MPRIP: variants seen among roughly 807,000 people sequenced by gnomAD.
MPRIP encodes the protein myosin phosphatase Rho-interacting protein.
MPRIP carries 59 observed loss-of-function variants against 234.9 expected under a neutral mutation model. The ratio of observed to expected loss-of-function variants is 0.25; its 90% CI spans 0.20 to 0.31. The LOEUF (loss-of-function observed/expected upper bound fraction) is 0.31, where lower values mean the gene tolerates loss of function less well. MPRIP is among the 10% of genes least tolerant of loss of function. The probability of loss-of-function intolerance (pLI) is 1.00; values close to 1 mark genes in which losing one functional copy is unlikely to be tolerated. For missense variants in MPRIP, 2,436 were observed against 3,071.0 expected (o/e 0.79, Z 4.89); for synonymous variants, 1,144 against 1,263.9 (o/e 0.91, Z 2.01).
intron 3 of MPRIP, among the ~76,000 whole-genome samples, chr17:17,102,093 G>T (rs1444006785): frequency 6.6e-6 from 1 of 150,426 alleles, no homozygotes; most frequent in Admixed American, 6.6e-5. Flanking sequence ...TCCCTATGTT[G>T]CCCAGGCTGG....
intron 3 of MPRIP, among the ~76,000 whole-genome samples, chr17:17,080,720 A>G (rs1333278790): frequency 6.6e-6 from 1 of 152,268 alleles, no homozygotes; most frequent in Admixed American, 6.5e-5. Flanking sequence ...GAAACTGAGC[A>G]GTTTCGACAG....
intron 1 of MPRIP, among the ~76,000 whole-genome samples, chr17:17,054,832 T>C (rs58814183): frequency 0.081 from 12,247 of 151,986 alleles, 691 homozygotes; most frequent in East Asian, 0.16. Context: ...GGCAGATTGC[T>C]TGAGCCCAGG....
Position 17,146,047 on chromosome 17 carries a change from G to A in MPRIP, c.1515G>A (p.Leu505=), listed in dbSNP as rs1423934767. ...STEPSVTPDL[L]NFKKGWLTKQ... Reference sequence around the variant, plus strand: ...TCTCCCTTTCTCAGCCCGACCTGCTGAATTTCAAGAAAGGCTGGCTGACTA... The same window carrying A: ...TCTCCCTTTCTCAGCCCGACCTGCTAAATTTCAAGAAAGGCTGGCTGACTA... The change falls in exon 10 of 24, where the codon CTG becomes CTA. Residue 505 remains leucine (L), a synonymous_variant. Coordinates refer to ENST00000651222, the MANE Select transcript of MPRIP (RefSeq NM_001364716.4). The A allele has an allele frequency of 5.6e-6, 9 of 1,613,966 alleles. No homozygotes were observed. Among genetic ancestry groups the A allele is most frequent in the African/African-American group, 1.3e-5 (1 of 74,932 alleles).
chr17:17,180,732 A>G (rs541766251), intron 23 of MPRIP: 15 of 1,476,150 alleles, frequency 1.0e-5, no homozygotes, highest in Middle Eastern at 1.7e-4. Context: ...CGCCTGTGTC[A>G]TGGTTACTTT....
At chr17:17,074,781 C>T (rs543995241) in intron 1 of MPRIP, among the ~76,000 whole-genome samples, 88 of 152,186 alleles carry the variant, frequency 5.8e-4, no homozygotes, top group African/African-American at 2.1e-3. Flanking sequence ...ATCATGTTTT[C>T]GGGGTTCCTC....
intron 1 of MPRIP, among the ~76,000 whole-genome samples, chr17:17,048,501 G>A (rs2088429169): frequency 6.6e-6 from 1 of 152,142 alleles, no homozygotes; most frequent in South Asian, 2.1e-4. Context: ...ATCTGTAACA[G>A]GAGTTGGTGT....
Position 17,173,971 on chromosome 17 carries a change from C to G in MPRIP, c.6646C>G (p.Gln2216Glu). ...GGAGGTCCTCTCGGAGCAGTACTCG[C>G]AGAAGTGCCTGGAGAATGCCCATCT... is the stretch of plus-strand genomic sequence containing the variant. ...ELEVLSEQYS[Q>E]KCLENAHLAQ... Residue 2216 changes from glutamine to glutamate, a missense_variant, in exon 19 of 24, where the codon CAG (glutamine) becomes GAG (glutamate). Gln to Glu is a conservative substitution (Grantham distance 29). Coordinates refer to ENST00000651222, the MANE Select transcript of MPRIP (RefSeq NM_001364716.4). 1 of 1,613,728 alleles carries G rather than the reference C, an allele frequency of 6.2e-7. No homozygotes were observed. The highest frequency in any genetic ancestry group is 8.5e-7 in the Non-Finnish European group (1 of 1,180,016).
intron 9 of MPRIP, among the ~76,000 whole-genome samples, chr17:17,144,236 C>A (rs2045406602): frequency 6.6e-6 from 1 of 152,238 alleles, no homozygotes; most frequent in Non-Finnish European, 1.5e-5. Flanking sequence ...GGCCTGCTCA[C>A]TGCCTCTTGT....
intron 3 of MPRIP, among the ~76,000 whole-genome samples, chr17:17,124,513 C>G (rs893395789): frequency 1.3e-5 from 2 of 152,310 alleles, no homozygotes; most frequent in African/African-American, 4.8e-5. Flanking sequence ...TCCCAAGGAC[C>G]AGGGTGGGAG....
At chr17:17,098,269 C>T (rs1470423668) in intron 3 of MPRIP, among the ~76,000 whole-genome samples, 2 of 152,216 alleles carry the variant, frequency 1.3e-5, no homozygotes, top group Non-Finnish European at 2.9e-5. Flanking sequence ...ACTCCACCTC[C>T]AAGGCCCCTC....
chr17:17,142,703 C>A lies in MPRIP; in HGVS notation c.1327C>A (p.Pro443Thr). Residue 443 changes from proline (P) to threonine (T), a missense_variant, in exon 8 of 24, where the codon CCC becomes ACC. By Grantham distance (38) the Pro-to-Thr change is conservative (BLOSUM62 -1). Coordinates refer to ENST00000651222, the MANE Select transcript of MPRIP (RefSeq NM_001364716.4). The part of the protein sequence containing the change: ...AEHMETNAVG[P>T]SPSSDTRQGR... ...GCACATGGAGACCAATGCAGTGGGG[C>A]CCTCACCATCCAGCGACACACGCCA... is the stretch of plus-strand genomic sequence containing the variant. 1 of 1,612,380 alleles carries A rather than the reference C, an allele frequency of 6.2e-7. No homozygotes were observed. Among genetic ancestry groups the A allele is most frequent in the Non-Finnish European group, 8.5e-7 (1 of 1,180,006 alleles).
At chr17:17,093,465 A>G (rs77455655) in intron 3 of MPRIP, among the ~76,000 whole-genome samples, 415 of 152,242 alleles carry the variant, frequency 2.7e-3, no homozygotes, top group Non-Finnish European at 4.4e-3. Flanking sequence ...GTGGGGCAGT[A>G]GTTTGTTGTT....
At chr17:17,080,303 G>A (rs2089433043) in intron 3 of MPRIP, among the ~76,000 whole-genome samples, 2 of 152,210 alleles carry the variant, frequency 1.3e-5, no homozygotes, top group Admixed American at 1.3e-4. Context: ...CTGCATCAGG[G>A]TTTGCTCCTC....
Position 17,192,281 on chromosome 17 carries a change from A to G in MPRIP, c.*7387A>G, listed in dbSNP as rs1190459456. On this transcript the variant is annotated 3_prime_UTR_variant, in exon 24 of 24. Coordinates refer to ENST00000651222, the MANE Select transcript of MPRIP (RefSeq NM_001364716.4). ...AACAAACAGACTAAAAGCTGTGTGCAGAAGAAAGGGCTGAATGAGTACCGC... is the reference window on the plus strand; with the variant it reads ...AACAAACAGACTAAAAGCTGTGTGCGGAAGAAAGGGCTGAATGAGTACCGC... 6.6e-6 allele frequency: 1 copy of G among 152,120 alleles called. No homozygotes were observed. Among genetic ancestry groups the G allele is most frequent in the Non-Finnish European group, 1.5e-5 (1 of 68,036 alleles). 9.4% of individuals were successfully genotyped at this position (152,120 alleles called of 1,614,324 possible).
intron 6 of MPRIP, among the ~76,000 whole-genome samples, chr17:17,137,213 T>C (rs2090719546): frequency 6.6e-6 from 1 of 152,106 alleles, no homozygotes; most frequent in African/African-American, 2.4e-5. Flanking sequence ...ACCACCAGAA[T>C]GCATTAAAAG....
At chr17:17,104,458 G>A (rs2090023839) in intron 3 of MPRIP, among the ~76,000 whole-genome samples, 1 of 152,176 alleles carries the variant, frequency 6.6e-6, no homozygotes, top group South Asian at 2.1e-4. Context: ...CATGAAGGGT[G>A]GGCAAGGATT....
At chr17:17,070,094 G>C (rs993327395) in intron 1 of MPRIP, among the ~76,000 whole-genome samples, 2 of 152,052 alleles carry the variant, frequency 1.3e-5, no homozygotes, top group African/African-American at 2.4e-5. Context: ...TGGTCTCCAT[G>C]GTTCCTGATA....
rs186348473 is a variant in MPRIP at position 17,157,272 on chromosome 17, C to T, written c.1830-1160C>T. On this transcript the variant is annotated intron_variant, in intron 13 of 23. Coordinates refer to ENST00000651222, the MANE Select transcript of MPRIP (RefSeq NM_001364716.4). The stretch of plus-strand genomic sequence containing the variant: ...ACTAGACATGGATTCCTCAGGCAGA[C>T]CTGGCTTCACTCCACTTACTGCAGG... 9.2e-5 allele frequency among the ~76,000 whole-genome samples: 14 copies of T among 152,362 alleles called. No individual in the cohort carries two copies. In the East Asian group the frequency reaches 2.3e-3, roughly 25 times the overall value.
chr17:17,073,553 AG>A, intron 1 of MPRIP, among the ~76,000 whole-genome samples: 1 of 152,312 alleles, frequency 6.6e-6, no homozygotes, highest in East Asian at 1.9e-4. Flanking sequence ...ATGGAGATAG[AG>A]GAATGGCTTG....
Sources: gnomAD v4.1 joint callset for allele counts (sites outside exome capture counted in the v4.1 genomes callset) on GRCh38, gnomAD v4.1.1 for gene constraint, MANE v1.5 for transcripts, NCBI Gene and HGNC (gene_info 2026-07-23, HGNC 2026-07-21) for gene names.